UBOX5: variants seen among roughly 807,000 people sequenced by gnomAD.
UBOX5 encodes the protein U-box domain containing 5.
A neutral mutation model predicts 39.0 loss-of-function variants in UBOX5; 28 were observed. The ratio of observed to expected loss-of-function variants is 0.72; its 90% CI spans 0.53 to 0.98. UBOX5 has a LOEUF of 0.98. Among genes scored for constraint, UBOX5 ranks in the 50% least tolerant of loss-of-function variants. The pLI, the probability that UBOX5 is intolerant of heterozygous loss-of-function variation, is 0.00. For missense variants in UBOX5, 585 were observed against 674.4 expected (o/e 0.87, Z 1.47); for synonymous variants, 283 against 275.5 (o/e 1.03, Z -0.27).
intron 4 of UBOX5, among the ~76,000 whole-genome samples, chr20:3,114,547 C>T (rs1406668287): frequency 6.6e-6 from 1 of 152,052 alleles, no homozygotes; most frequent in Non-Finnish European, 1.5e-5. Context: ...AAGACACTGA[C>T]GGAAGTGTTA....
intron 1 of UBOX5, among the ~76,000 whole-genome samples, chr20:3,158,568 G>A (rs2066713856): frequency 6.6e-6 from 1 of 152,124 alleles, no homozygotes; most frequent in Admixed American, 6.5e-5. Context: ...CCGCCTCCCG[G>A]GGTTCACGCC....
rs1292716714 is a variant in UBOX5, at chr20:3,121,498, C to T, written c.1141G>A (p.Ala381Thr). Residue 381 changes from alanine to threonine, a missense_variant, in exon 3 of 5, where the codon GCT (alanine) becomes ACT (threonine). By Grantham distance (58) the Ala-to-Thr change is moderately conservative. Coordinates refer to ENST00000217173, the MANE Select transcript of UBOX5 (RefSeq NM_014948.4). ...HVPDSNFGVNASCFSATSPLV... is the reference protein window; with the variant it reads ...HVPDSNFGVNTSCFSATSPLV... ...GGGCTTGTGGCAGAAAAACAGGAAG[C>T]ATTTACACCAAAGTTACTGTCTGGG... is the stretch of plus-strand genomic sequence containing the variant. 17 of 1,614,090 alleles carry T rather than the reference C, an allele frequency of 1.1e-5. No homozygotes were observed. The highest frequency in any genetic ancestry group is 1.4e-5 in the Non-Finnish European group (17 of 1,180,030).
intron 1 of UBOX5, among the ~76,000 whole-genome samples, chr20:3,158,478 T>G (rs1318894793): frequency 6.6e-6 from 1 of 152,172 alleles, no homozygotes; most frequent in African/African-American, 2.4e-5. Context: ...ATTTATTTAT[T>G]TATTCATTTA....
chr20:3,148,249 C>T (rs780806586), intron 1 of UBOX5: 3 of 1,612,916 alleles, frequency 1.9e-6, no homozygotes, highest in Non-Finnish European at 2.5e-6. Flanking sequence ...AGGATAGATC[C>T]TTCCAGTGCA....
Position 3,122,559 on chromosome 20 carries a change from T to C in UBOX5, c.80A>G (p.Glu27Gly). 2 of 1,595,384 alleles carry C rather than the reference T, an allele frequency of 1.3e-6. No homozygotes were observed. The highest frequency in any genetic ancestry group is 1.7e-4 in the Middle Eastern group (1 of 5,988). ...TGTGAGATCTTCAGAGATGAGATTT[T>C]CTACTTCGTAACCATCAGCTGATAT... ...NKISADGYEV[E>G]NLISEDLTKR... is the part of the protein sequence containing the mutation. Residue 27 changes from glutamate to glycine, a missense_variant, in exon 3 of 5, where the codon GAA (glutamate) becomes GGA (glycine). Transcript: ENST00000217173.
Position 3,122,532 on chromosome 20 carries a change from T to C in UBOX5, c.107A>G (p.Lys36Arg). The C allele has an allele frequency of 6.2e-7, 1 of 1,609,870 alleles. No homozygotes were observed. The highest frequency in any genetic ancestry group is 8.5e-7 in the Non-Finnish European group (1 of 1,177,392). ...VENLISEDLT[K>R]RSHGFRTEYF... ...CTCTGTCCTGAAACCATGACTTCTC[T>C]TTGTGAGATCTTCAGAGATGAGATT... is the stretch of plus-strand genomic sequence containing the variant. Residue 36 changes from lysine to arginine, a missense_variant, in exon 3 of 5, where the codon AAG (lysine) becomes AGG (arginine). Physicochemically the swap from Lys to Arg is conservative, Grantham distance 26. Transcript: ENST00000217173.
intron 1 of UBOX5, chr20:3,146,571 G>A (rs1473999178): frequency 5.2e-6 from 3 of 575,536 alleles, no homozygotes; most frequent in East Asian, 2.9e-5. Context: ...AGAGTAACAT[G>A]TATACATTTG....
chr20:3,133,970 T>C (rs1227915639), intron 1 of UBOX5, among the ~76,000 whole-genome samples: 1 of 152,082 alleles, frequency 6.6e-6, no homozygotes, highest in East Asian at 1.9e-4. Context: ...TTGCCCAGGC[T>C]CTTCTCAAAC....
intron 1 of UBOX5, among the ~76,000 whole-genome samples, chr20:3,131,004 G>A (rs1326694043): frequency 1.3e-5 from 2 of 151,976 alleles, no homozygotes; most frequent in African/African-American, 2.4e-5. Context: ...GGCCGAGGCG[G>A]GCAGATCATA....
rs747969683 is a variant in UBOX5, at chr20:3,147,314, C to T, written c.-42+12452G>A. On this transcript the variant is annotated intron_variant, in intron 1 of 4. Transcript: ENST00000217173. ...AAGCTGGACCTCTAAGTCAGAAGATCGGGTATGAGGCAAAATCATATGGTG... is the reference window on the plus strand; with the variant it reads ...AAGCTGGACCTCTAAGTCAGAAGATTGGGTATGAGGCAAAATCATATGGTG... 7 of 1,614,050 alleles carry T rather than the reference C, an allele frequency of 4.3e-6. No homozygotes were observed. In the East Asian group the frequency reaches 6.7e-5, roughly 15 times the overall value.
chr20:3,138,138 T>C (rs1015805413), intron 1 of UBOX5, among the ~76,000 whole-genome samples: 1 of 152,128 alleles, frequency 6.6e-6, no homozygotes, highest in African/African-American at 2.4e-5. Flanking sequence ...CCAGCCATGG[T>C]GGCGCATGCC....
chr20:3,145,115 T>A (rs1458022685), intron 1 of UBOX5, among the ~76,000 whole-genome samples: 1 of 151,542 alleles, frequency 6.6e-6, no homozygotes, highest in East Asian at 1.9e-4. Context: ...CGTGAAAAGA[T>A]GTGTTGGAGG....
At chr20:3,159,629 GCCAAGAGCTGAACAAGGCCTCGATGCGCT>G (rs1265124626) in intron 1 of UBOX5, 108 bp downstream of exon 1, 1 of 152,334 alleles carries the variant, frequency 6.6e-6, no homozygotes, top group Non-Finnish European at 1.5e-5. Context: ...GGCAACCCAG[GCCAAGAGCTGAACAAGGCCTCGATGCGCT>G]CCAGCTCTGG....
Position 3,149,035 on chromosome 20 carries a change from T to C in UBOX5, c.-42+10731A>G. On this transcript the variant is annotated intron_variant, in intron 1 of 4. Coordinates refer to ENST00000217173, the MANE Select transcript of UBOX5 (RefSeq NM_014948.4). This position sits in a 1 kb window ranked among gnomAD's most constrained non-coding sequence, Gnocchi z 4.1. The stretch of plus-strand genomic sequence containing the variant: ...CAGAAGGACTGCAAAATGCTCGGTA[T>C]CTTACAAGTTTTAATGACTTGAGAG... 6.2e-7 allele frequency: 1 copy of C among 1,613,638 alleles called. No individual in the cohort carries two copies. The highest frequency in any genetic ancestry group is 8.5e-7 in the Non-Finnish European group (1 of 1,179,750).
intron 1 of UBOX5, among the ~76,000 whole-genome samples, chr20:3,141,216 G>A (rs540015470): frequency 1.3e-5 from 2 of 152,048 alleles, no homozygotes; most frequent in East Asian, 3.9e-4. Flanking sequence ...ACCACACCCG[G>A]CCAGTTGCCA....
At chr20:3,131,388 CT>C (rs776682269) in intron 1 of UBOX5, among the ~76,000 whole-genome samples, 1 of 152,074 alleles carries the variant, frequency 6.6e-6, no homozygotes, top group Non-Finnish European at 1.5e-5. Context: ...TATTATTTAT[CT>C]TATCTGACAG....
At chr20:3,157,924 C>T (rs951109509) in intron 1 of UBOX5, among the ~76,000 whole-genome samples, 6 of 151,560 alleles carry the variant, frequency 4.0e-5, no homozygotes, top group Non-Finnish European at 8.8e-5. Context: ...CAGACAGGGT[C>T]TCGCTCTGTT....
chr20:3,115,059 T>C (rs1443856482), intron 4 of UBOX5, among the ~76,000 whole-genome samples: 1 of 152,176 alleles, frequency 6.6e-6, no homozygotes, highest in Non-Finnish European at 1.5e-5. Context: ...AAGCCCTACA[T>C]CCACAGAATT....
intron 3 of UBOX5, 63 bp from the exon 4 acceptor site, chr20:3,115,529 A>G: frequency 6.6e-7 from 1 of 1,520,030 alleles, no homozygotes. Flanking sequence ...AACAGCCTCA[A>G]GTCCTTCGAG....
Sources: allele counts gnomAD v4.1 joint callset (sites outside exome capture counted in the v4.1 genomes callset), GRCh38; gene constraint gnomAD v4.1.1; non-coding constraint Gnocchi (gnomAD v3.1); transcripts MANE v1.5; gene names NCBI Gene and HGNC (gene_info 2026-07-23, HGNC 2026-07-21).